The following PRKCE variants were observed in gnomAD, a reference collection of about 807,000 sequenced individuals.
PRKCE encodes protein kinase C epsilon type.
PRKCE carries 16 observed loss-of-function variants against 85.4 expected under a neutral mutation model. The observed-to-expected ratio is 0.19, with a 90% confidence interval of 0.13 to 0.28. The LOEUF (loss-of-function observed/expected upper bound fraction) is 0.28, where lower values mean the gene tolerates loss of function less well. PRKCE is among the 10% of genes least tolerant of loss of function. The pLI is 1.00. For missense variants in PRKCE, 573 were observed against 975.2 expected (o/e 0.59, Z 5.49); for synonymous variants, 388 against 371.5 (o/e 1.04, Z -0.51).
chr2:46,085,761 TTTTTTTTTTTTA>T (rs1669574828), intron 10 of PRKCE, among the ~76,000 whole-genome samples: 1 of 76,202 alleles, frequency 1.3e-5, no homozygotes, highest in African/African-American at 5.3e-5. Context: ...TTTTGTTTTT[TTTTTTTTTTTTA>T]GCCATATAAG....
chr2:45,808,043 G>A (rs6729111), intron 1 of PRKCE, among the ~76,000 whole-genome samples: 30,120 of 151,834 alleles, frequency 0.2, 3,447 homozygotes, highest in South Asian at 0.3. Flanking sequence ...AGATTTCAGC[G>A]CTCCCAGACT....
At chr2:45,659,116 A>G (rs964149156) in intron 1 of PRKCE, among the ~76,000 whole-genome samples, 2 of 152,190 alleles carry the variant, frequency 1.3e-5, no homozygotes, top group Admixed American at 6.5e-5. Context: ...TAGACTTTAT[A>G]TATGGGATTG....
chr2:45,996,074 A>C (rs572454355), intron 6 of PRKCE, among the ~76,000 whole-genome samples: 1 of 152,072 alleles, frequency 6.6e-6, no homozygotes, highest in East Asian at 1.9e-4. Flanking sequence ...GATCTTGTAC[A>C]TATTTTGTGA....
intron 2 of PRKCE, among the ~76,000 whole-genome samples, chr2:45,941,372 T>C (rs1000471064): frequency 2.6e-5 from 4 of 152,198 alleles, no homozygotes; most frequent in African/African-American, 9.7e-5. Context: ...TATTCATCTA[T>C]AGATTAGGTG....
chr2:45,879,160 G>A lies in PRKCE; in HGVS notation c.412+36097G>A, dbSNP rs1573720440. Among the ~76,000 whole-genome samples, 3 of 152,218 alleles carry A rather than the reference G, an allele frequency of 2.0e-5. No individual in the cohort carries two copies. The East Asian group carries it at 5.8e-4, about 29-fold the overall frequency. ...AAACCCCAAGCTCCACTGGCAGAGA[G>A]CAGAGAAGGGGGAAAGAGAAGAAGC... On this transcript the variant is annotated intron_variant, in intron 2 of 14. Transcript: ENST00000306156.
intron 1 of PRKCE, among the ~76,000 whole-genome samples, chr2:45,805,426 G>T (rs994764172): frequency 7.2e-5 from 11 of 152,082 alleles, no homozygotes; most frequent in Non-Finnish European, 1.0e-4. Flanking sequence ...ACACACAAAG[G>T]ATGCTGTGAT....
At chr2:45,817,835 G>GCT (rs1689204654) in intron 1 of PRKCE, among the ~76,000 whole-genome samples, 2 of 152,082 alleles carry the variant, frequency 1.3e-5, no homozygotes, top group African/African-American at 4.8e-5. Flanking sequence ...GGCAAATCTG[G>GCT]GTCTCTCTCT....
rs965361161 is a variant in PRKCE at position 46,145,281 on chromosome 2, C to T, written c.1731+50C>T. ...CCTCCTCCTGGTGCCAGGACCGAGG[C>T]AGGGGTCCAAACCCATGCACTGGGG... is the stretch of plus-strand genomic sequence containing the variant. On this transcript the variant is annotated intron_variant, in intron 12 of 14. Transcript: ENST00000306156. The surrounding 1 kb of genome is among the most constrained non-coding windows in gnomAD (Gnocchi z 4.6). 1 of 1,595,812 alleles carries T rather than the reference C, an allele frequency of 6.3e-7. No homozygotes were observed. Among genetic ancestry groups the T allele is most frequent in the Non-Finnish European group, 8.5e-7 (1 of 1,177,482 alleles).
intron 1 of PRKCE, among the ~76,000 whole-genome samples, chr2:45,718,256 T>C (rs1029732092): frequency 6.6e-6 from 1 of 151,786 alleles, no homozygotes; most frequent in African/African-American, 2.4e-5. Flanking sequence ...CAGGGCAAAA[T>C]TGCCCCCAAT....
At chr2:45,968,107 G>C (rs1701853534) in intron 2 of PRKCE, among the ~76,000 whole-genome samples, 1 of 152,150 alleles carries the variant, frequency 6.6e-6, no homozygotes, top group African/African-American at 2.4e-5. Flanking sequence ...CTTGTTCTTG[G>C]CTCCATATAC....
intron 10 of PRKCE, among the ~76,000 whole-genome samples, chr2:46,069,135 C>G (rs533294855): frequency 6.6e-6 from 1 of 152,200 alleles, no homozygotes; most frequent in Non-Finnish European, 1.5e-5. Flanking sequence ...ATTGAAGATG[C>G]TTTGAAGAGG....
At chr2:46,071,977 G>A (rs1416361203) in intron 10 of PRKCE, among the ~76,000 whole-genome samples, 3 of 152,126 alleles carry the variant, frequency 2.0e-5, no homozygotes, top group East Asian at 3.8e-4. Flanking sequence ...AAACACACGC[G>A]GGAATTCAGC....
chr2:46,151,065 C>G lies in PRKCE; in HGVS notation c.1756C>G (p.Pro586Ala). 6.3e-7 allele frequency: 1 copy of G among 1,599,172 alleles called. No individual in the cohort carries two copies. Residue 586 changes from proline (P) to alanine (A), a missense_variant, in exon 13 of 15, where the codon CCC (proline) becomes GCC (alanine). Pro to Ala is a conservative substitution (Grantham distance 27). This residue lies in a region of PRKCE where 72 missense variants were observed against 166.0 expected (regional missense o/e 0.43). Coordinates refer to ENST00000306156, the MANE Select transcript of PRKCE (RefSeq NM_005400.3). ...PEILQELEYGPSVDWWALGVL... is the reference protein window; with the variant it reads ...PEILQELEYGASVDWWALGVL... ...GATCCTGCAGGAGTTGGAGTATGGCCCCTCCGTGGACTGGTGGGCCCTGGG... is the reference window on the plus strand; with the variant it reads ...GATCCTGCAGGAGTTGGAGTATGGCGCCTCCGTGGACTGGTGGGCCCTGGG...
chr2:46,151,965 T>C (rs940054283), intron 13 of PRKCE, among the ~76,000 whole-genome samples: 14 of 152,174 alleles, frequency 9.2e-5, no homozygotes, highest in African/African-American at 3.4e-4. Flanking sequence ...CTGCCCAGGG[T>C]CACCCCTCTG....
rs571853094 is a variant in PRKCE, at chr2:45,934,302, T to C, written c.413-42127T>C. Reference sequence around the variant, plus strand: ...ACTGAGATGAGTGTGAAAAAAAGTTTCTATTAAGACTAAGTTGAATGTGAC... The same window carrying C: ...ACTGAGATGAGTGTGAAAAAAAGTTCCTATTAAGACTAAGTTGAATGTGAC... On this transcript the variant is annotated intron_variant, in intron 2 of 14. Transcript: ENST00000306156. Among the ~76,000 whole-genome samples the C allele has an allele frequency of 7.9e-5, 12 of 152,302 alleles. No homozygotes were observed. The East Asian group carries it at 2.3e-3, about 29-fold the overall frequency.
intron 2 of PRKCE, among the ~76,000 whole-genome samples, chr2:45,843,775 A>T (rs934830914): frequency 6.6e-6 from 1 of 152,248 alleles, no homozygotes; most frequent in African/African-American, 2.4e-5. Context: ...GCTCTAAGAA[A>T]GATTTGGAAT....
At chr2:45,939,893 T>G (rs79547793) in intron 2 of PRKCE, among the ~76,000 whole-genome samples, 2,022 of 152,310 alleles carry the variant, frequency 0.013, 14 homozygotes, top group Non-Finnish European at 0.019. Context: ...TAAATTGTTT[T>G]GGGAGTCTGC....
intron 11 of PRKCE, among the ~76,000 whole-genome samples, chr2:46,090,496 C>T (rs1220081051): frequency 2.0e-5 from 3 of 152,204 alleles, no homozygotes; most frequent in African/African-American, 7.2e-5. Flanking sequence ...TGATCTAAGA[C>T]AGTACCCTAC....
chr2:46,134,230 A>T (rs1210978675), intron 11 of PRKCE, among the ~76,000 whole-genome samples: 1 of 152,160 alleles, frequency 6.6e-6, no homozygotes, highest in Non-Finnish European at 1.5e-5. Flanking sequence ...AGACACTGGG[A>T]TGCATCAGAC....
Sources: allele counts gnomAD v4.1 joint callset (sites outside exome capture counted in the v4.1 genomes callset), GRCh38; gene constraint gnomAD v4.1.1; regional missense constraint gnomAD v4.1.1; non-coding constraint Gnocchi (gnomAD v3.1); transcripts MANE v1.5; gene names NCBI Gene and HGNC (gene_info 2026-07-23, HGNC 2026-07-21).